Variants in ORC3 observed in about 807,000 individuals in gnomAD.
The protein encoded by ORC3 is origin recognition complex subunit 3.
In ORC3, 78 loss-of-function variants were observed where a neutral mutation model predicts 100.7. The ratio of observed to expected loss-of-function variants is 0.77; its 90% CI spans 0.65 to 0.94. The LOEUF is 0.94. Ranked by LOEUF, ORC3 falls within the 40% of genes least tolerant of loss-of-function variation. ORC3 has a pLI of 0.00. For synonymous variants in ORC3, 295 were observed against 289.3 expected (o/e 1.02, Z -0.20); for missense variants, 789 against 823.9 (o/e 0.96, Z 0.52).
At chr6:87,675,375 A>G in the ORC3 span, 4 of 567,262 alleles carry the variant, frequency 7.1e-6, no homozygotes, top group Non-Finnish European at 1.3e-5. Flanking sequence ...AAATGAGGCC[A>G]CTGGTATTAA....
chr6:87,620,900 T>G (rs985083509), intron 9 of ORC3, among the ~76,000 whole-genome samples: 4 of 152,206 alleles, frequency 2.6e-5, no homozygotes, highest in African/African-American at 7.2e-5. Flanking sequence ...TAAATTTTCA[T>G]CATTCACTTT....
chr6:87,668,791 T>A (rs1008905411), downstream of ORC3, among the ~76,000 whole-genome samples: 1 of 152,132 alleles, frequency 6.6e-6, no homozygotes, highest in African/African-American at 2.4e-5. Context: ...GAGACCAGCC[T>A]GGCCAACCTG....
At chr6:87,596,785 A>G (rs1171544339) in intron 2 of ORC3, among the ~76,000 whole-genome samples, 1 of 152,190 alleles carries the variant, frequency 6.6e-6, no homozygotes, top group Non-Finnish European at 1.5e-5. Context: ...ATCAGAATGT[A>G]TTTATTGCAC....
At chr6:87,638,935 A>G (rs1768019008) in intron 13 of ORC3, among the ~76,000 whole-genome samples, 1 of 151,904 alleles carries the variant, frequency 6.6e-6, no homozygotes, top group Non-Finnish European at 1.5e-5. Context: ...GCAACTACAG[A>G]TTGATTGTCC....
intron 9 of ORC3, among the ~76,000 whole-genome samples, chr6:87,619,947 A>G (rs138550107): frequency 2.8e-4 from 42 of 152,290 alleles, no homozygotes; most frequent in African/African-American, 9.4e-4. Context: ...CTTCCATCTT[A>G]GTTTCCTGAG....
At chr6:87,657,844 G>C in intron 15 of ORC3, 77 bp from the exon 16 acceptor site, 1 of 756,856 alleles carries the variant, frequency 1.3e-6, no homozygotes, top group Non-Finnish European at 2.3e-6. Flanking sequence ...TGCTTCTATA[G>C]AACTTACCAA....
intron 17 of ORC3, among the ~76,000 whole-genome samples, chr6:87,664,318 G>T (rs1306168851): frequency 2.6e-5 from 4 of 152,016 alleles, no homozygotes; most frequent in African/African-American, 9.7e-5. Flanking sequence ...TTCTTTAAAA[G>T]AAATTTATAC....
intron 13 of ORC3, among the ~76,000 whole-genome samples, chr6:87,650,472 TTG>T (rs1769173099): frequency 2.6e-5 from 4 of 152,202 alleles, no homozygotes; most frequent in African/African-American, 7.2e-5. Flanking sequence ...TCTTAATTTA[TTG>T]TAGCATCTAG....
At chr6:87,624,098 A>T (rs534409811) in intron 11 of ORC3, among the ~76,000 whole-genome samples, 12 of 152,288 alleles carry the variant, frequency 7.9e-5, no homozygotes, top group Middle Eastern at 6.8e-3. Flanking sequence ...AGTGAGAAAT[A>T]TGAAAAAGCA....
Position 87,658,029 on chromosome 6 carries a change from AT to A in ORC3, c.1691+14del. On this transcript the variant is annotated intron_variant, in intron 16 of 19. Transcript: ENST00000392844. ...TGACTGTCTAGTGAGGTAAGTCTAA[AT>A]TTAGCTCTTAAGAGCTAAAAATCAT... is the stretch of plus-strand genomic sequence containing the variant. 1 of 1,442,890 alleles carries A rather than the reference AT, an allele frequency of 6.9e-7. No homozygotes were observed. Among genetic ancestry groups the A allele is most frequent in the Non-Finnish European group, 9.8e-7 (1 of 1,025,526 alleles). 89.4% of individuals were successfully genotyped at this position (1,442,890 alleles called of 1,614,324 possible).
chr6:87,651,992 C>T (rs945115234), intron 13 of ORC3, among the ~76,000 whole-genome samples: 8 of 151,622 alleles, frequency 5.3e-5, no homozygotes, highest in Non-Finnish European at 1.0e-4. Context: ...TCCGACTCCC[C>T]GGTTCCAGCG....
downstream of ORC3, among the ~76,000 whole-genome samples, chr6:87,670,676 G>A (rs1281851455): frequency 1.3e-5 from 2 of 152,148 alleles, no homozygotes; most frequent in African/African-American, 4.8e-5. Flanking sequence ...TTCATTTAAT[G>A]AAATACTGAT....
Position 87,607,805 on chromosome 6 carries a change from G to C in ORC3, c.560G>C (p.Trp187Ser), listed in dbSNP as rs528908092. Residue 187 changes from tryptophan (W) to serine (S), a missense_variant, in exon 6 of 20, where the codon TGG becomes TCG. Transcript: ENST00000392844. ...THYSMDSLSS[W>S]YMTVTQKTDP... Reference sequence around the variant, plus strand: ...TATTCAATGGATTCACTTTCCAGTTGGTATATGACTGTCACACAGGTAGAT... The same window carrying C: ...TATTCAATGGATTCACTTTCCAGTTCGTATATGACTGTCACACAGGTAGAT... The C allele has an allele frequency of 9.9e-6, 16 of 1,609,978 alleles. No homozygotes were observed. The African/African-American group carries it at 1.5e-4, about 15-fold the overall frequency.
Position 87,667,212 on chromosome 6 carries a change from T to C in ORC3, c.*89T>C. 1 of 739,930 alleles carries C rather than the reference T, an allele frequency of 1.4e-6. No homozygotes were observed. The highest frequency in any genetic ancestry group is 1.9e-5 in the South Asian group (1 of 53,218). 45.8% of individuals were successfully genotyped at this position (739,930 alleles called of 1,614,324 possible). A position where few individuals can be genotyped will look rare whatever the true frequency, so the allele number is the denominator to read the frequency against. Reference sequence around the variant, plus strand: ...TTTACATATATTAGAGGAGCCTGTTTTGTTGAGAAGATAAATGTGTAACCC... The same window carrying C: ...TTTACATATATTAGAGGAGCCTGTTCTGTTGAGAAGATAAATGTGTAACCC... On this transcript the variant is annotated 3_prime_UTR_variant, in exon 20 of 20. Coordinates refer to ENST00000392844, the MANE Select transcript of ORC3 (RefSeq NM_012381.4).
At position 87,612,179 on chromosome 6, in the gene ORC3, A is replaced by G. The variant is rs1445703544; in HGVS notation, c.804A>G (p.Ser268=). The change falls in exon 8 of 20, where the codon TCA becomes TCG. Residue 268 remains serine, a synonymous_variant. Coordinates refer to ENST00000392844, the MANE Select transcript of ORC3 (RefSeq NM_012381.4). The part of the protein sequence containing the change: ...IIHRLLPHAV[S]SLLCIELFQS... ...ACCGATTGCTTCCTCATGCAGTATC[A>G]TCTCTATTGTGCATAGAACTGTTCC... The G allele has an allele frequency of 6.2e-7, 1 of 1,613,120 alleles. No homozygotes were observed. Among genetic ancestry groups the G allele is most frequent in the Non-Finnish European group, 8.5e-7 (1 of 1,179,348 alleles).
At chr6:87,616,280 G>A (rs1201833792) in intron 8 of ORC3, 34 bp from the exon 9 acceptor site, 2 of 786,360 alleles carry the variant, frequency 2.5e-6, no homozygotes, top group Non-Finnish European at 2.3e-6. Flanking sequence ...AGACTAACAA[G>A]GAGTGTGTCC....
intron 13 of ORC3, among the ~76,000 whole-genome samples, chr6:87,640,473 C>T (rs1768162400): frequency 6.6e-6 from 1 of 152,170 alleles, no homozygotes; most frequent in Non-Finnish European, 1.5e-5. Flanking sequence ...TTTCCTTGCT[C>T]AGTCAACTCT....
chr6:87,601,887 T>C lies in ORC3; in HGVS notation c.177+6T>C. On this transcript the variant is annotated splice_donor_region_variant and intron_variant, in intron 3 of 19. Coordinates refer to ENST00000392844, the MANE Select transcript of ORC3 (RefSeq NM_012381.4). ...AGATGAAATCTGAAAATGAGGTGAA[T>C]ACTTTTTTTAATAATTTTCTGTAAC... The C allele has an allele frequency of 6.8e-7, 1 of 1,474,360 alleles. No individual in the cohort carries two copies. The highest frequency in any genetic ancestry group is 9.5e-7 in the Non-Finnish European group (1 of 1,053,448). The allele number at this position is 1,474,360 out of a possible 1,614,324, so 91.3% of individuals were successfully genotyped here.
intron 11 of ORC3, among the ~76,000 whole-genome samples, chr6:87,631,771 C>T (rs1237500243): frequency 6.6e-6 from 1 of 152,106 alleles, no homozygotes; most frequent in Admixed American, 6.5e-5. Flanking sequence ...GGATTACAGG[C>T]GTGAGCCACC....
Sources: gnomAD v4.1 joint callset for allele counts (sites outside exome capture counted in the v4.1 genomes callset) on GRCh38, gnomAD v4.1.1 for gene constraint, MANE v1.5 for transcripts, NCBI Gene and HGNC (gene_info 2026-07-23, HGNC 2026-07-21) for gene names.